The following ACYP2 variants were observed in gnomAD, a reference collection of about 807,000 sequenced individuals.
ACYP2 encodes acylphosphatase-2.
ACYP2 carries 12 observed loss-of-function variants against 11.2 expected under a neutral mutation model. That is an observed-to-expected ratio of 1.08 (90% CI 0.69 to 1.74). The LOEUF is 1.74. ACYP2 is among the 40% of genes most tolerant of loss of function. ACYP2 has a pLI of 0.00. For synonymous variants in ACYP2, 43 were observed against 32.2 expected, an observed-to-expected ratio of 1.33 and a Z score of -1.13; for missense variants, 134 against 101.9, an observed-to-expected ratio of 1.31 and a Z score of -1.35.
intron 4 of ACYP2, among the ~76,000 whole-genome samples, chr2:54,095,550 G>A (rs1678493369): frequency 1.3e-5 from 2 of 149,978 alleles, no homozygotes. Flanking sequence ...GGGGCAGCTG[G>A]CTGGGCGGGG....
intron 6 of ACYP2, among the ~76,000 whole-genome samples, chr2:54,206,489 T>C (rs1685073603): frequency 6.6e-6 from 1 of 152,236 alleles, no homozygotes; most frequent in South Asian, 2.1e-4. Flanking sequence ...GCCTGTCACT[T>C]TGCTAAAGGT....
At chr2:54,260,607 G>C (rs1052908639) in intron 6 of ACYP2, among the ~76,000 whole-genome samples, 16 of 152,304 alleles carry the variant, frequency 1.1e-4, no homozygotes, top group African/African-American at 3.8e-4. Context: ...TGAATTGGAA[G>C]ATTCAGGGTA....
chr2:54,161,315 G>A (rs1682700013), intron 6 of ACYP2, among the ~76,000 whole-genome samples: 1 of 152,152 alleles, frequency 6.6e-6, no homozygotes. Context: ...ATGATCTTGG[G>A]GGCTGGGACC....
At chr2:54,261,368 G>T (rs1687768664) in intron 6 of ACYP2, among the ~76,000 whole-genome samples, 1 of 151,966 alleles carries the variant, frequency 6.6e-6, no homozygotes, top group Non-Finnish European at 1.5e-5. Context: ...ACTAGAGGCA[G>T]AAATAAAGAT....
intron 2 of ACYP2, among the ~76,000 whole-genome samples, chr2:54,008,841 C>G (rs1262031116): frequency 6.6e-6 from 1 of 152,012 alleles, no homozygotes; most frequent in African/African-American, 2.4e-5. Context: ...AAGTAGGAGA[C>G]AAAGTTGTGT....
At chr2:54,153,454 C>T in intron 6 of ACYP2, among the ~76,000 whole-genome samples, 1 of 124,118 alleles carries the variant, frequency 8.1e-6, no homozygotes, top group Non-Finnish European at 1.7e-5. Context: ...GCCTGGGCTA[C>T]TTAGGGTTTT....
At chr2:54,268,735 G>T (rs1320048057) in intron 6 of ACYP2, among the ~76,000 whole-genome samples, 1 of 152,064 alleles carries the variant, frequency 6.6e-6, no homozygotes, top group Non-Finnish European at 1.5e-5. Flanking sequence ...CTTGAGCCCA[G>T]GAGGTTAAGG....
intron 2 of ACYP2, among the ~76,000 whole-genome samples, chr2:54,035,655 C>T (rs1341427749): frequency 6.6e-6 from 1 of 152,078 alleles, no homozygotes; most frequent in Non-Finnish European, 1.5e-5. Flanking sequence ...ACAGTTTGAC[C>T]CATTTGTGAC....
chr2:54,260,592 A>C (rs943784452), intron 6 of ACYP2, among the ~76,000 whole-genome samples: 2 of 152,168 alleles, frequency 1.3e-5, no homozygotes, highest in Non-Finnish European at 2.9e-5. Flanking sequence ...AGGTGGTCTG[A>C]TCAATGAATT....
intron 2 of ACYP2, among the ~76,000 whole-genome samples, chr2:54,047,686 T>C (rs1675599727): frequency 6.6e-6 from 1 of 152,246 alleles, no homozygotes; most frequent in Non-Finnish European, 1.5e-5. Context: ...TCCTTGCTTA[T>C]TACTATAATT....
At chr2:54,249,124 T>A (rs183870747) in intron 6 of ACYP2, among the ~76,000 whole-genome samples, 2 of 152,062 alleles carry the variant, frequency 1.3e-5, no homozygotes, top group Non-Finnish European at 2.9e-5. Context: ...CAGTGGTGCA[T>A]TGACAAGGAT....
At chr2:54,296,040 T>C (rs968041056) in intron 6 of ACYP2, among the ~76,000 whole-genome samples, 1 of 151,982 alleles carries the variant, frequency 6.6e-6, no homozygotes, top group African/African-American at 2.4e-5. Flanking sequence ...AATTACAGCA[T>C]GAGCCACAGC....
chr2:54,016,821 G>A (rs1475631598), intron 2 of ACYP2, among the ~76,000 whole-genome samples: 3 of 151,054 alleles, frequency 2.0e-5, no homozygotes, highest in African/African-American at 7.3e-5. Context: ...CGCCTCCTGG[G>A]TTCACGCCAT....
intron 2 of ACYP2, among the ~76,000 whole-genome samples, chr2:54,003,901 T>C (rs1412243650): frequency 6.6e-6 from 1 of 152,248 alleles, no homozygotes; most frequent in East Asian, 1.9e-4. Flanking sequence ...TAGCATTTAT[T>C]GTTGTCAATG....
chr2:54,064,114 A>G (rs1676616165), intron 4 of ACYP2, among the ~76,000 whole-genome samples: 1 of 152,058 alleles, frequency 6.6e-6, no homozygotes, highest in Admixed American at 6.6e-5. Flanking sequence ...CCCAAAGTGC[A>G]GGGACTATGA....
At chr2:54,059,021 A>G (rs1676322251) in intron 4 of ACYP2, among the ~76,000 whole-genome samples, 1 of 152,026 alleles carries the variant, frequency 6.6e-6, no homozygotes, top group Admixed American at 6.5e-5. Flanking sequence ...TTTGTGGTTT[A>G]TGGTCATGCT....
At chr2:54,059,055 C>T (rs911040028) in intron 4 of ACYP2, among the ~76,000 whole-genome samples, 2 of 151,986 alleles carry the variant, frequency 1.3e-5, no homozygotes, top group South Asian at 2.1e-4. Context: ...AGGCTGATGC[C>T]CTTTGGATTT....
chr2:54,233,613 T>C (rs1261009151), intron 6 of ACYP2, among the ~76,000 whole-genome samples: 3 of 152,010 alleles, frequency 2.0e-5, no homozygotes, highest in African/African-American at 7.2e-5. Context: ...GCCCCAAACA[T>C]TTTCTTATCC....
chr2:54,168,542 A>T (rs1683101315), intron 6 of ACYP2, among the ~76,000 whole-genome samples: 1 of 152,240 alleles, frequency 6.6e-6, no homozygotes, highest in South Asian at 2.1e-4. Flanking sequence ...AACCATAAAA[A>T]GTAATTGGAT....
Sources: gnomAD v4.1 joint callset for allele counts (sites outside exome capture counted in the v4.1 genomes callset) on GRCh38, gnomAD v4.1.1 for gene constraint, MANE v1.5 for transcripts, NCBI Gene and HGNC (gene_info 2026-07-23, HGNC 2026-07-21) for gene names.